Variants in SIPA1L1 observed in about 807,000 individuals in gnomAD.
SIPA1L1 encodes the protein signal induced proliferation associated 1 like 1.
In SIPA1L1, 26 loss-of-function variants were observed where a neutral mutation model predicts 162.7. The ratio of observed to expected loss-of-function variants is 0.16; its 90% CI spans 0.12 to 0.22. The LOEUF (loss-of-function observed/expected upper bound fraction) is 0.22. SIPA1L1 is among the 10% of genes least tolerant of loss of function. The pLI is 1.00. For missense variants in SIPA1L1, 1,874 were observed against 2,241.0 expected (o/e 0.84, Z 3.31); for synonymous variants, 829 against 837.4 (o/e 0.99, Z 0.17).
chr14:71,347,274 T>C (rs1471233088), intron 2 of SIPA1L1, among the ~76,000 whole-genome samples: 1 of 152,146 alleles, frequency 6.6e-6, no homozygotes, highest in Non-Finnish European at 1.5e-5. Flanking sequence ...ATGTAGTATT[T>C]TGTGACTGGC....
At chr14:71,579,216 A>G (rs966843031) in intron 4 of SIPA1L1, among the ~76,000 whole-genome samples, 4 of 152,166 alleles carry the variant, frequency 2.6e-5, no homozygotes, top group Non-Finnish European at 5.9e-5. Context: ...TGTATTTTCT[A>G]TGGTAGTAAA....
rs1476799974 is a variant in SIPA1L1, at chr14:71,705,298, G to T, written c.3723G>T (p.Arg1241=). ...FRESPSGRLM[R]QDPVVHLSPN... ...AGAGCCCCAGTGGGAGATTAATGCG[G>T]CAGGATCCAGTGGTTCATTTGTCTC... The change falls in exon 16 of 24, where the codon CGG becomes CGT. Residue 1241 remains arginine, a synonymous_variant. Transcript: ENST00000381232. The T allele has an allele frequency of 6.2e-6, 10 of 1,614,002 alleles. No individual in the cohort carries two copies. Among genetic ancestry groups the T allele is most frequent in the African/African-American group, 2.7e-5 (2 of 74,904 alleles).
chr14:71,709,578 C>A lies in SIPA1L1; in HGVS notation c.4122C>A (p.Asp1374Glu), dbSNP rs1373133687. The stretch of plus-strand genomic sequence containing the variant: ...AAACAGAGTCTTCCCTGAGCTTAGA[C>A]ATACACAGCAAGAGCCAAGCCGGCT... ...DRKTESSLSL[D>E]IHSKSQAGST... The change falls in exon 17 of 24, where the codon GAC (aspartate) becomes GAA (glutamate). Residue 1374 changes from aspartate (D) to glutamate (E), a missense_variant. Around this residue, in one of 5 missense-constraint regions of SIPA1L1, gnomAD observed 936 missense variants for 1,051.9 expected, o/e 0.89. Coordinates refer to ENST00000381232, the MANE Select transcript of SIPA1L1 (RefSeq NM_001386936.1). 12 of 1,614,066 alleles carry A rather than the reference C, an allele frequency of 7.4e-6. No homozygotes were observed. The highest frequency in any genetic ancestry group is 8.5e-6 in the Non-Finnish European group (10 of 1,180,046).
At chr14:71,334,739 G>A (rs1026218056) in intron 2 of SIPA1L1, among the ~76,000 whole-genome samples, 89 of 151,882 alleles carry the variant, frequency 5.9e-4, no homozygotes, top group African/African-American at 2.0e-3. Flanking sequence ...CGCTCTTCAT[G>A]TTTCTTGATT....
chr14:71,510,652 G>T (rs1036432953), intron 2 of SIPA1L1, among the ~76,000 whole-genome samples: 1 of 152,116 alleles, frequency 6.6e-6, no homozygotes, highest in Admixed American at 6.5e-5. Context: ...TCAAATCAGG[G>T]CCCAGTACCA....
At chr14:71,407,539 C>T (rs1374972558) in intron 2 of SIPA1L1, among the ~76,000 whole-genome samples, 1 of 145,530 alleles carries the variant, frequency 6.9e-6, no homozygotes, top group East Asian at 2.2e-4. Context: ...CAGGGTCTCA[C>T]TTTGTTGCCC....
At chr14:71,587,444 G>C in intron 4 of SIPA1L1, 127 bp from the exon 5 acceptor site, 1 of 393,858 alleles carries the variant, frequency 2.5e-6, no homozygotes, top group Non-Finnish European at 4.5e-6. Flanking sequence ...CTAAAAATAC[G>C]GATTGTGGAA....
intron 4 of SIPA1L1, among the ~76,000 whole-genome samples, chr14:71,544,080 T>G (rs1356104414): frequency 6.6e-6 from 1 of 150,620 alleles, no homozygotes; most frequent in East Asian, 1.9e-4. Flanking sequence ...CGCACGCACA[T>G]GTATGTATAT....
chr14:71,395,080 TA>T (rs1474462065), intron 2 of SIPA1L1, among the ~76,000 whole-genome samples: 1 of 152,172 alleles, frequency 6.6e-6, no homozygotes, highest in African/African-American at 2.4e-5. Flanking sequence ...AGAGGGCCCT[TA>T]GGAAATTTTT....
chr14:71,347,871 C>T lies in SIPA1L1; in HGVS notation c.-465+26690C>T, dbSNP rs543724386. ...CTTTTTTTGTTGAGTTGTAAATATT[C>T]CTTATGTATTTTAGATACAGATCTT... is the stretch of plus-strand genomic sequence containing the variant. On this transcript the variant is annotated intron_variant, in intron 2 of 23. Transcript: ENST00000381232. Among the ~76,000 whole-genome samples, 3 of 151,940 alleles carry T rather than the reference C, an allele frequency of 2.0e-5. No homozygotes were observed. In the East Asian group the frequency reaches 5.8e-4, roughly 29 times the overall value.
At position 71,329,405 on chromosome 14, in the gene SIPA1L1, C is replaced by T. The variant is rs547568673; in HGVS notation, c.-465+8224C>T. On this transcript the variant is annotated intron_variant, in intron 2 of 23. Transcript: ENST00000381232. ...GGTTCTAACTTCTCCACATCCTTAC[C>T]AATACTTATTTTCTGTTTTTTTTTT... Among the ~76,000 whole-genome samples, 12 of 150,528 alleles carry T rather than the reference C, an allele frequency of 8.0e-5. 1 individual carries two copies. The South Asian group carries it at 2.5e-3, about 32-fold the overall frequency.
chr14:71,329,135 G>A (rs948231873), intron 2 of SIPA1L1, among the ~76,000 whole-genome samples: 7 of 152,144 alleles, frequency 4.6e-5, no homozygotes, highest in East Asian at 1.9e-4. Context: ...ATAGTATTCC[G>A]TCGTATGGGT....
At chr14:71,599,450 C>T (rs943017342) in intron 5 of SIPA1L1, among the ~76,000 whole-genome samples, 5 of 142,738 alleles carry the variant, frequency 3.5e-5, no homozygotes, top group African/African-American at 5.1e-5. Context: ...CCACGCTGGG[C>T]GATTTCATTC....
intron 4 of SIPA1L1, among the ~76,000 whole-genome samples, chr14:71,553,848 A>T (rs1261042838): frequency 6.6e-6 from 1 of 152,132 alleles, no homozygotes; most frequent in African/African-American, 2.4e-5. Context: ...GAATAAATGC[A>T]ATTCTTGTCA....
intron 22 of SIPA1L1, among the ~76,000 whole-genome samples, chr14:71,736,541 G>T (rs1014458912): frequency 3.9e-5 from 6 of 152,212 alleles, no homozygotes; most frequent in African/African-American, 1.4e-4. Flanking sequence ...CTCTGAACAA[G>T]TCTGCAAGGA....
intron 9 of SIPA1L1, among the ~76,000 whole-genome samples, chr14:71,659,839 G>A (rs1235172051): frequency 6.6e-6 from 1 of 151,946 alleles, no homozygotes; most frequent in African/African-American, 2.4e-5. Flanking sequence ...AAATGTTACA[G>A]TCTTAAATCA....
chr14:71,668,756 A>G (rs2044251804), intron 10 of SIPA1L1, among the ~76,000 whole-genome samples: 1 of 152,192 alleles, frequency 6.6e-6, no homozygotes, highest in African/African-American at 2.4e-5. Context: ...TGCTGGGTAA[A>G]TAAAGCATGG....
At chr14:71,673,928 G>A (rs1369442417) in intron 12 of SIPA1L1, among the ~76,000 whole-genome samples, 1 of 152,208 alleles carries the variant, frequency 6.6e-6, no homozygotes, top group Non-Finnish European at 1.5e-5. Flanking sequence ...GTGCTGAACT[G>A]TGATTTAAAA....
chr14:71,493,132 T>C (rs953093399), intron 2 of SIPA1L1, among the ~76,000 whole-genome samples: 18 of 152,156 alleles, frequency 1.2e-4, no homozygotes, highest in African/African-American at 3.9e-4. Context: ...TCACCCAGGC[T>C]GGAGTGCAGT....
Sources: gnomAD v4.1 joint callset for allele counts (sites outside exome capture counted in the v4.1 genomes callset) on GRCh38, gnomAD v4.1.1 for gene constraint, gnomAD v4.1.1 regional missense constraint, MANE v1.5 for transcripts, NCBI Gene and HGNC (gene_info 2026-07-23, HGNC 2026-07-21) for gene names.